PPP2R2D: variants seen among roughly 807,000 people sequenced by gnomAD.
PPP2R2D encodes serine/threonine-protein phosphatase 2A 55 kDa regulatory subunit B delta isoform.
A neutral mutation model predicts 31.1 loss-of-function variants in PPP2R2D; 9 were observed. That is an observed-to-expected ratio of 0.29 (90% CI 0.17 to 0.51). The LOEUF (loss-of-function observed/expected upper bound fraction) is 0.51, where lower values mean the gene tolerates loss of function less well. PPP2R2D is among the 20% of genes least tolerant of loss of function. The pLI, the probability that PPP2R2D is intolerant of heterozygous loss-of-function variation, is 0.98. For synonymous variants in PPP2R2D, 179 were observed against 172.6 expected (o/e 1.04, Z -0.29); for missense variants, 391 against 465.6 (o/e 0.84, Z 1.48).
Position 131,953,347 on chromosome 10 carries a change from C to G in PPP2R2D, c.1083-2337C>G, listed in dbSNP as rs114026170. Among the ~76,000 whole-genome samples the G allele has an allele frequency of 3.7e-4, 16 of 43,512 alleles. 1 individual carries two copies. The highest frequency in any genetic ancestry group is 1.1e-3 in the Admixed American group (3 of 2,644). 28.5% of individuals were successfully genotyped at this position (43,512 alleles called of 152,430 possible). ...CGGGGGTTCACTGTCTTAGTGACTT[C>G]CAGTTGTGCGGGGGGTTCACTTAGC... On this transcript the variant is annotated intron_variant, in intron 8 of 8. Transcript: ENST00000455566.
intron 2 of PPP2R2D, among the ~76,000 whole-genome samples, chr10:131,919,511 G>T (rs1371473887): frequency 1.6e-5 from 2 of 127,770 alleles, no homozygotes; most frequent in Admixed American, 7.9e-5. Context: ...TCAGGTGGGT[G>T]GAATGACACA....
At chr10:131,917,027 G>A (rs1554893227) in intron 2 of PPP2R2D, among the ~76,000 whole-genome samples, 10 of 141,718 alleles carry the variant, frequency 7.1e-5, no homozygotes, top group Admixed American at 1.4e-4. Flanking sequence ...GACCTCACGT[G>A]GGTGGAATGA....
In PPP2R2D at chr10:131,956,058, A is replaced by C; in HGVS notation, c.*95A>C. 2.3e-6 allele frequency: 3 copies of C among 1,306,118 alleles called. No homozygotes were observed. Among genetic ancestry groups the C allele is most frequent in the Non-Finnish European group, 2.9e-6 (3 of 1,023,964 alleles). 80.9% of individuals were successfully genotyped at this position (1,306,118 alleles called of 1,614,324 possible). On this transcript the variant is annotated 3_prime_UTR_variant, in exon 9 of 9. Transcript: ENST00000455566. The stretch of plus-strand genomic sequence containing the variant: ...CATCATTGTCCGCTCCATTAAGAAC[A>C]GTGACGCACCTGCTACTTCCCTTCA...
chr10:131,953,450 A>C (rs1243989706), intron 8 of PPP2R2D, among the ~76,000 whole-genome samples: 1 of 71,064 alleles, frequency 1.4e-5, no homozygotes, highest in African/African-American at 5.8e-5. Context: ...AGTGACTTGC[A>C]GGTGTGCGGG....
At position 131,903,064 on chromosome 10, in the gene PPP2R2D, T is replaced by TA. The variant is rs1174250097; in HGVS notation, c.100+1747dup. Reference sequence around the variant, plus strand: ...ACCGCACCTGCCTGGTTTCTTTACTTAAAAAAAAAAAAATTATTGATAAGC... The same window carrying TA: ...ACCGCACCTGCCTGGTTTCTTTACTTAAAAAAAAAAAAAATTATTGATAAGC... On this transcript the variant is annotated intron_variant, in intron 2 of 8. Coordinates refer to ENST00000455566, the MANE Select transcript of PPP2R2D (RefSeq NM_018461.5). Among the ~76,000 whole-genome samples, 723 of 145,602 alleles carry TA rather than the reference T, an allele frequency of 5.0e-3. 3 individuals carry two copies. Among genetic ancestry groups the TA allele is most frequent in the African/African-American group, 0.015 (598 of 39,658 alleles).
intron 3 of PPP2R2D, 72 bp from the exon 4 acceptor site, chr10:131,939,959 C>A (rs569530489): frequency 1.2e-5 from 5 of 431,172 alleles, no homozygotes; most frequent in South Asian, 7.0e-5. Flanking sequence ...ATTTGATATT[C>A]AAATTTATAG....
intron 2 of PPP2R2D, among the ~76,000 whole-genome samples, chr10:131,928,880 C>T (rs921286292): frequency 3.9e-5 from 6 of 152,100 alleles, no homozygotes; most frequent in African/African-American, 1.4e-4. Context: ...CATTGTCTCT[C>T]GGGACAAGAA....
At position 131,918,852 on chromosome 10, in the gene PPP2R2D, A is replaced by G. The variant is rs539598760; in HGVS notation, c.101-15606A>G. ...TCACGGGGGTGGAATGACACAGTGT[A>G]GGGACCTCAGGCGGGTGGAATGACA... On this transcript the variant is annotated intron_variant, in intron 2 of 8. Coordinates refer to ENST00000455566, the MANE Select transcript of PPP2R2D (RefSeq NM_018461.5). Among the ~76,000 whole-genome samples the G allele has an allele frequency of 1.5e-3, 212 of 144,626 alleles. 1 individual carries two copies. The highest frequency in any genetic ancestry group is 8.8e-3 in the Middle Eastern group (2 of 228). 94.9% of individuals were successfully genotyped at this position (144,626 alleles called of 152,430 possible).
chr10:131,949,675 C>T (rs550143656), intron 8 of PPP2R2D, among the ~76,000 whole-genome samples: 3 of 152,194 alleles, frequency 2.0e-5, no homozygotes, highest in Non-Finnish European at 4.4e-5. Context: ...GCCACATGAC[C>T]GCTAAACGTG....
intron 2 of PPP2R2D, among the ~76,000 whole-genome samples, chr10:131,921,787 T>C (rs1193008080): frequency 2.0e-5 from 3 of 152,188 alleles, no homozygotes; most frequent in African/African-American, 7.2e-5. Context: ...GGCCTGTCGT[T>C]GGTGGTTATA....
At position 131,920,291 on chromosome 10, in the gene PPP2R2D, A is replaced by G. The variant is rs1365001148; in HGVS notation, c.101-14167A>G. ...ATGACACAGTGTAGGGACCTCACAC[A>G]GGTGGAATGACACAGTGTAGGGACC... On this transcript the variant is annotated intron_variant, in intron 2 of 8. Coordinates refer to ENST00000455566, the MANE Select transcript of PPP2R2D (RefSeq NM_018461.5). 7.6e-5 allele frequency among the ~76,000 whole-genome samples: 10 copies of G among 131,038 alleles called. No homozygotes were observed. The East Asian group carries it at 1.2e-3, about 16-fold the overall frequency. 86.0% of individuals were successfully genotyped at this position (131,038 alleles called of 152,430 possible).
intron 2 of PPP2R2D, among the ~76,000 whole-genome samples, chr10:131,903,356 A>G (rs928356849): frequency 4.6e-5 from 7 of 151,162 alleles, no homozygotes; most frequent in African/African-American, 1.7e-4. Flanking sequence ...AATCCCAGCT[A>G]CCTGGGAGGC....
the PPP2R2D span, chr10:131,970,547 G>A: frequency 6.7e-7 from 1 of 1,486,456 alleles, no homozygotes; most frequent in South Asian, 1.3e-5. The surrounding 1 kb of genome is among the most constrained non-coding windows in gnomAD (Gnocchi z 4.1). Context: ...TGATGATCTG[G>A]ACTTCAGGAA....
intron 2 of PPP2R2D, among the ~76,000 whole-genome samples, chr10:131,905,452 A>G (rs1399663840): frequency 3.3e-5 from 5 of 152,290 alleles, no homozygotes; most frequent in African/African-American, 1.2e-4. Flanking sequence ...GCAATGTCAC[A>G]TGGTATTTCA....
At chr10:131,936,229 CCT>C (rs1270702108) in intron 3 of PPP2R2D, among the ~76,000 whole-genome samples, 1 of 151,748 alleles carries the variant, frequency 6.6e-6, no homozygotes, top group Non-Finnish European at 1.5e-5. Context: ...CTCACTGCAA[CCT>C]CTGTCTCCCG....
intron 2 of PPP2R2D, among the ~76,000 whole-genome samples, chr10:131,925,488 A>T (rs2036088949): frequency 6.6e-6 from 1 of 152,204 alleles, no homozygotes. Context: ...CATTCCTAGG[A>T]TATGGTATAC....
At chr10:131,952,142 G>A (rs2036649259) in intron 8 of PPP2R2D, among the ~76,000 whole-genome samples, 1 of 122,826 alleles carries the variant, frequency 8.1e-6, no homozygotes, top group African/African-American at 3.2e-5. Context: ...TGTGCGGGGG[G>A]GTTCACTGTC....
rs1208819430 is a variant in PPP2R2D at position 131,952,418 on chromosome 10, C to T, written c.1083-3266C>T. On this transcript the variant is annotated intron_variant, in intron 8 of 8. Coordinates refer to ENST00000455566, the MANE Select transcript of PPP2R2D (RefSeq NM_018461.5). ...ACTGTCTTAGTGACTTGCGGGTGTG[C>T]GGGGGTTCACTGTCTTAGCAGTGAC... Among the ~76,000 whole-genome samples, 81 of 25,244 alleles carry T rather than the reference C, an allele frequency of 3.2e-3. 2 individuals are homozygous for T. Among genetic ancestry groups the T allele is most frequent in the African/African-American group, 0.013 (75 of 5,960 alleles). 16.6% of individuals were successfully genotyped at this position (25,244 alleles called of 152,430 possible). A position where few individuals can be genotyped will look rare whatever the true frequency, so the allele number is the denominator to read the frequency against.
chr10:131,944,737 A>C (rs1409212590), intron 6 of PPP2R2D, among the ~76,000 whole-genome samples: 2 of 152,154 alleles, frequency 1.3e-5, no homozygotes, highest in Non-Finnish European at 2.9e-5. Context: ...TAGTTGTTTC[A>C]GCTTGAAGGG....
Sources: allele counts gnomAD v4.1 joint callset (sites outside exome capture counted in the v4.1 genomes callset), GRCh38; gene constraint gnomAD v4.1.1; non-coding constraint Gnocchi (gnomAD v3.1); transcripts MANE v1.5; gene names NCBI Gene and HGNC (gene_info 2026-07-23, HGNC 2026-07-21).